The following KCND2 variants were observed in gnomAD, a reference collection of about 807,000 sequenced individuals.
KCND2 encodes the protein potassium voltage-gated channel subfamily D member 2, also known as A-type voltage-gated potassium channel KCND2.
A neutral mutation model predicts 54.4 loss-of-function variants in KCND2; 16 were observed. The ratio of observed to expected loss-of-function variants is 0.29; its 90% CI spans 0.20 to 0.45. The LOEUF is 0.45. Ranked by LOEUF, KCND2 falls within the 20% of genes least tolerant of loss-of-function variation. The probability of loss-of-function intolerance (pLI) is 1.00; values close to 1 mark genes in which losing one functional copy is unlikely to be tolerated. For synonymous variants in KCND2, 317 were observed against 310.7 expected (o/e 1.02, Z -0.21); for missense variants, 486 against 824.2 (o/e 0.59, Z 5.02).
At chr7:120,434,944 C>T (rs1801844855) in intron 1 of KCND2, among the ~76,000 whole-genome samples, 1 of 151,238 alleles carries the variant, frequency 6.6e-6, no homozygotes, top group Non-Finnish European at 1.5e-5. Flanking sequence ...ATCCAAGACT[C>T]ATAGGATTGG....
At chr7:120,394,949 A>C (rs1471324498) in intron 1 of KCND2, among the ~76,000 whole-genome samples, 1 of 152,116 alleles carries the variant, frequency 6.6e-6, no homozygotes, top group East Asian at 1.9e-4. Flanking sequence ...TTCTCTGGCT[A>C]TTTGGTTGTC....
chr7:120,528,005 A>G (rs1791797711), intron 1 of KCND2, among the ~76,000 whole-genome samples: 1 of 152,184 alleles, frequency 6.6e-6, no homozygotes, highest in Non-Finnish European at 1.5e-5. Flanking sequence ...TACATTTTTA[A>G]AATGTAGTCT....
rs1791873605 is a variant in KCND2 at position 120,662,191 on chromosome 7, T to A, written c.1116-70712T>A. Among the ~76,000 whole-genome samples, 3 of 152,128 alleles carry A rather than the reference T, an allele frequency of 2.0e-5. No individual in the cohort carries two copies. In the South Asian group the frequency reaches 6.2e-4, roughly 31 times the overall value. Reference sequence around the variant, plus strand: ...AATCCCAAGATAGTAGAGGTAAAATTTTTCCTCCCCTATAGTTTTTATCCT... The same window carrying A: ...AATCCCAAGATAGTAGAGGTAAAATATTTCCTCCCCTATAGTTTTTATCCT... On this transcript the variant is annotated intron_variant, in intron 1 of 5. Coordinates refer to ENST00000331113, the MANE Select transcript of KCND2 (RefSeq NM_012281.3).
At chr7:120,622,355 G>A (rs972002055) in intron 1 of KCND2, among the ~76,000 whole-genome samples, 1 of 152,008 alleles carries the variant, frequency 6.6e-6, no homozygotes, top group Non-Finnish European at 1.5e-5. Flanking sequence ...TTTACGAGAG[G>A]GAGCCTACTG....
chr7:120,486,456 G>C (rs1302766870), intron 1 of KCND2, among the ~76,000 whole-genome samples: 1 of 152,126 alleles, frequency 6.6e-6, no homozygotes, highest in Non-Finnish European at 1.5e-5. Context: ...AGGTAAGGAA[G>C]ATTGATTGAA....
rs150946459 is a variant in KCND2 at position 120,496,952 on chromosome 7, G to A, written c.1115+221205G>A. Among the ~76,000 whole-genome samples the A allele has an allele frequency of 5.2e-3, 798 of 152,152 alleles. 6 individuals are homozygous for A. Among genetic ancestry groups the A allele is most frequent in the African/African-American group, 0.018 (759 of 41,496 alleles). On this transcript the variant is annotated intron_variant, in intron 1 of 5. Coordinates refer to ENST00000331113, the MANE Select transcript of KCND2 (RefSeq NM_012281.3). ...TTGAGCTGAATACAATTCATTATTC[G>A]ATACCATGAAAATATATTAATCTGG...
intron 1 of KCND2, among the ~76,000 whole-genome samples, chr7:120,606,965 T>A (rs1792889657): frequency 2.0e-5 from 3 of 152,164 alleles, no homozygotes; most frequent in African/African-American, 7.2e-5. Flanking sequence ...TTGCTGTGGA[T>A]TGCATTGAAT....
At position 120,275,318 on chromosome 7, in the gene KCND2, T is replaced by C; in HGVS notation, c.686T>C (p.Phe229Ser). Reference sequence around the variant, plus strand: ...TGTGGAGAGCGGTATGCTGTGGCCTTCTTCTGCTTGGACACGGCCTGCGTC... The same window carrying C: ...TGTGGAGAGCGGTATGCTGTGGCCTCCTTCTGCTTGGACACGGCCTGCGTC... ...LPCGERYAVA[F>S]FCLDTACVMI... Residue 229 changes from phenylalanine (F) to serine (S), a missense_variant, in exon 1 of 6, where the codon TTC (phenylalanine) becomes TCC (serine). Phe to Ser is a radical substitution (Grantham distance 155, BLOSUM62 -2). Coordinates refer to ENST00000331113, the MANE Select transcript of KCND2 (RefSeq NM_012281.3). 6.2e-7 allele frequency: 1 copy of C among 1,613,732 alleles called. No individual in the cohort carries two copies. The highest frequency in any genetic ancestry group is 8.5e-7 in the Non-Finnish European group (1 of 1,179,916).
chr7:120,582,004 G>A (rs1469833887), intron 1 of KCND2, among the ~76,000 whole-genome samples: 3 of 152,048 alleles, frequency 2.0e-5, no homozygotes, highest in African/African-American at 4.8e-5. Context: ...GTGAGCCACC[G>A]CACCGGGCCA....
chr7:120,353,853 T>C (rs1800451691), intron 1 of KCND2, among the ~76,000 whole-genome samples: 1 of 152,190 alleles, frequency 6.6e-6, no homozygotes. Context: ...CCTTAGACAA[T>C]TGAAAGCAGT....
chr7:120,460,973 AG>A (rs146795302), intron 1 of KCND2, among the ~76,000 whole-genome samples: 3,462 of 152,280 alleles, frequency 0.023, 142 homozygotes, highest in African/African-American at 0.079. Context: ...CTTGGAAAAA[AG>A]GAAAAATGTG....
chr7:120,482,260 A>G (rs370050160), intron 1 of KCND2, among the ~76,000 whole-genome samples: 2 of 152,092 alleles, frequency 1.3e-5, no homozygotes, highest in South Asian at 2.1e-4. Flanking sequence ...TTGGAAGTAG[A>G]TAACTTGTTT....
chr7:120,566,841 TTATG>T (rs1308570630), intron 1 of KCND2, among the ~76,000 whole-genome samples: 9 of 152,120 alleles, frequency 5.9e-5, no homozygotes, highest in Non-Finnish European at 1.0e-4. Context: ...ACTTTTTAAG[TTATG>T]TATCTTTCTT....
chr7:120,734,170 C>T (rs1013893132), intron 2 of KCND2, among the ~76,000 whole-genome samples: 2 of 152,146 alleles, frequency 1.3e-5, no homozygotes, highest in African/African-American at 4.8e-5. Context: ...TATAGCTCAG[C>T]GTTTGCCTTA....
rs376832045 is a variant in KCND2, at chr7:120,745,878, A to G, written c.1566A>G (p.Gln522=). ...PSSHSPSLSS[Q]QGVTSTCCSR... is the part of the protein sequence containing the mutation. ...GTCACAGTCCTTCACTGTCTTCACA[A>G]CAAGGAGTCACCAGCACCTGCTGTT... The change falls in exon 5 of 6, where the codon CAA becomes CAG. Residue 522 remains glutamine, a synonymous_variant. Coordinates refer to ENST00000331113, the MANE Select transcript of KCND2 (RefSeq NM_012281.3). 6.2e-7 allele frequency: 1 copy of G among 1,613,912 alleles called. No homozygotes were observed. Among genetic ancestry groups the G allele is most frequent in the Non-Finnish European group, 8.5e-7 (1 of 1,179,862 alleles).
At chr7:120,421,877 G>C (rs545365634) in intron 1 of KCND2, among the ~76,000 whole-genome samples, 1 of 152,160 alleles carries the variant, frequency 6.6e-6, no homozygotes, top group African/African-American at 2.4e-5. Flanking sequence ...TGAAAGAAAA[G>C]TGTTCGGAGC....
At chr7:120,654,884 A>G (rs1791782218) in intron 1 of KCND2, among the ~76,000 whole-genome samples, 1 of 152,118 alleles carries the variant, frequency 6.6e-6, no homozygotes, top group African/African-American at 2.4e-5. Context: ...AGCTGTCCCT[A>G]AAAGGATACA....
intron 1 of KCND2, among the ~76,000 whole-genome samples, chr7:120,604,935 A>G (rs1383268507): frequency 1.3e-5 from 2 of 152,202 alleles, no homozygotes; most frequent in African/African-American, 2.4e-5. Flanking sequence ...TACTCTATCC[A>G]ATTGTAATTT....
chr7:120,722,090 C>A (rs1792673841), intron 1 of KCND2, among the ~76,000 whole-genome samples: 2 of 152,148 alleles, frequency 1.3e-5, no homozygotes, highest in Middle Eastern at 3.2e-3. Context: ...AAATCTCCTT[C>A]CTTTATAAAT....
Sources: gnomAD v4.1 joint callset for allele counts (sites outside exome capture counted in the v4.1 genomes callset) on GRCh38, gnomAD v4.1.1 for gene constraint, MANE v1.5 for transcripts, NCBI Gene and HGNC (gene_info 2026-07-23, HGNC 2026-07-21) for gene names.